SGCZ: variants seen among roughly 807,000 people sequenced by gnomAD.
SGCZ encodes the protein zeta-sarcoglycan.
In SGCZ, 40 loss-of-function variants were observed where a neutral mutation model predicts 41.3. The ratio of observed to expected loss-of-function variants is 0.97; its 90% CI spans 0.75 to 1.26. The LOEUF is 1.26. SGCZ is among the 50% of genes most tolerant of loss of function. SGCZ has a pLI of 0.00. For missense variants in SGCZ, 552 were observed against 369.8 expected (o/e 1.49, Z -4.04); for synonymous variants, 206 against 137.5 (o/e 1.50, Z -3.49).
At chr8:14,246,610 AG>A (rs1371947838) in intron 3 of SGCZ, among the ~76,000 whole-genome samples, 3 of 150,238 alleles carry the variant, frequency 2.0e-5, no homozygotes, top group East Asian at 3.9e-4. Flanking sequence ...AAAAAAAAAA[AG>A]AAATAAAAAG....
chr8:14,711,512 G>C (rs1199589165), intron 1 of SGCZ, among the ~76,000 whole-genome samples: 3 of 145,836 alleles, frequency 2.1e-5, no homozygotes, highest in African/African-American at 7.6e-5. Flanking sequence ...TGACGCAGGA[G>C]AATTGCTTGA....
intron 4 of SGCZ, among the ~76,000 whole-genome samples, chr8:14,210,550 T>A (rs1347220330): frequency 1.3e-5 from 2 of 151,558 alleles, no homozygotes; most frequent in African/African-American, 2.4e-5. Flanking sequence ...ACAACCCCTG[T>A]CTCCCAGGTT....
At chr8:14,284,403 C>T (rs1042483100) in intron 3 of SGCZ, among the ~76,000 whole-genome samples, 1 of 152,128 alleles carries the variant, frequency 6.6e-6, no homozygotes, top group Non-Finnish European at 1.5e-5. Flanking sequence ...CACAAACACA[C>T]AAAAAATAGA....
intron 1 of SGCZ, among the ~76,000 whole-genome samples, chr8:14,692,172 T>A (rs561122521): frequency 6.6e-6 from 1 of 152,132 alleles, no homozygotes; most frequent in African/African-American, 2.4e-5. Flanking sequence ...CTAAATTACA[T>A]AGTTAAATTG....
intron 1 of SGCZ, among the ~76,000 whole-genome samples, chr8:14,699,436 C>A (rs988261741): frequency 6.6e-6 from 1 of 151,682 alleles, no homozygotes; most frequent in Non-Finnish European, 1.5e-5. Flanking sequence ...GAAACTGAAT[C>A]TCTACCTTTT....
At chr8:14,112,982 G>A (rs1279575689) in intron 5 of SGCZ, among the ~76,000 whole-genome samples, 1 of 152,006 alleles carries the variant, frequency 6.6e-6, no homozygotes, top group Non-Finnish European at 1.5e-5. Context: ...TTTGAATACT[G>A]AAAAATTTAT....
intron 1 of SGCZ, among the ~76,000 whole-genome samples, chr8:14,819,444 G>T (rs1044063296): frequency 6.6e-6 from 1 of 152,082 alleles, no homozygotes; most frequent in Non-Finnish European, 1.5e-5. Context: ...GCCTTATAGG[G>T]AAGTCCAATC....
intron 2 of SGCZ, among the ~76,000 whole-genome samples, chr8:14,455,994 C>G (rs1050916902): frequency 6.6e-6 from 1 of 152,064 alleles, no homozygotes; most frequent in Non-Finnish European, 1.5e-5. Flanking sequence ...GGAGGGGATG[C>G]GGAGTGACTG....
chr8:14,476,015 C>G (rs533947819), intron 2 of SGCZ, among the ~76,000 whole-genome samples: 1 of 151,646 alleles, frequency 6.6e-6, no homozygotes, highest in Non-Finnish European at 1.5e-5. Context: ...CTATGTTGCC[C>G]TGGTTGATCT....
At chr8:14,377,372 G>C (rs1367785045) in intron 2 of SGCZ, among the ~76,000 whole-genome samples, 1 of 151,996 alleles carries the variant, frequency 6.6e-6, no homozygotes, top group Non-Finnish European at 1.5e-5. Flanking sequence ...CCTTCATTTG[G>C]CTGTTCCTGA....
At chr8:14,755,258 G>C (rs1279408876) in intron 1 of SGCZ, among the ~76,000 whole-genome samples, 1 of 151,788 alleles carries the variant, frequency 6.6e-6, no homozygotes, top group African/African-American at 2.4e-5. Context: ...TTTGTTTGCT[G>C]TTTGTTTGCG....
intron 1 of SGCZ, among the ~76,000 whole-genome samples, chr8:14,843,117 C>T (rs1802982310): frequency 6.6e-6 from 1 of 152,066 alleles, no homozygotes; most frequent in African/African-American, 2.4e-5. Flanking sequence ...AAGGCTGAGG[C>T]AGGAGAATTG....
Position 14,796,550 on chromosome 8 carries a change from G to C in SGCZ, c.40-241624C>G, listed in dbSNP as rs143201624. Among the ~76,000 whole-genome samples, 212 of 151,956 alleles carry C rather than the reference G, an allele frequency of 1.4e-3. 1 individual carries two copies. Among genetic ancestry groups the C allele is most frequent in the African/African-American group, 4.8e-3 (200 of 41,374 alleles). On this transcript the variant is annotated intron_variant, in intron 1 of 7. Transcript: ENST00000382080. The stretch of plus-strand genomic sequence containing the variant: ...CATCTTTTCTGTATATGTAAATATT[G>C]TGTGTCTTATGACTCAATGAAGATA...
At chr8:14,875,264 C>G (rs535860285) in intron 1 of SGCZ, among the ~76,000 whole-genome samples, 1 of 152,246 alleles carries the variant, frequency 6.6e-6, no homozygotes, top group East Asian at 1.9e-4. Context: ...AGGGTACTTC[C>G]TTTTGTAAGG....
At chr8:14,249,659 A>G (rs1448621840) in intron 3 of SGCZ, among the ~76,000 whole-genome samples, 1 of 152,162 alleles carries the variant, frequency 6.6e-6, no homozygotes. Flanking sequence ...ATTAGAGATA[A>G]TCTATTTTCA....
chr8:14,108,606 A>G (rs936944971), intron 5 of SGCZ, among the ~76,000 whole-genome samples: 19 of 152,186 alleles, frequency 1.2e-4, no homozygotes, highest in African/African-American at 4.3e-4. Context: ...AACCACCTCC[A>G]TGGTTCAAAT....
rs183774228 is a variant in SGCZ, at chr8:14,085,494, T to C, written c.*4949A>G. Among the ~76,000 whole-genome samples the C allele has an allele frequency of 6.6e-6, 1 of 151,914 alleles. No homozygotes were observed. The highest frequency in any genetic ancestry group is 6.6e-5 in the Admixed American group (1 of 15,214). On this transcript the variant is annotated 3_prime_UTR_variant, in exon 8 of 8. Coordinates refer to ENST00000382080, the MANE Select transcript of SGCZ (RefSeq NM_139167.4). Reference sequence around the variant, plus strand: ...AAAACAAAAAATAACTACAGTTCATTATATCTCATTTCCTTTAATGGTTTT... The same window carrying C: ...AAAACAAAAAATAACTACAGTTCATCATATCTCATTTCCTTTAATGGTTTT...
intron 1 of SGCZ, among the ~76,000 whole-genome samples, chr8:14,556,947 T>C (rs1804052010): frequency 2.0e-5 from 3 of 152,074 alleles, no homozygotes. Context: ...GGGTAGGTAC[T>C]CAGTAGTGGG....
chr8:15,092,746 C>G (rs1806199735), intron 1 of SGCZ, among the ~76,000 whole-genome samples: 1 of 152,144 alleles, frequency 6.6e-6, no homozygotes, highest in African/African-American at 2.4e-5. Context: ...TAATATCTCT[C>G]TATTACACAT....
Sources: allele counts gnomAD v4.1 joint callset (sites outside exome capture counted in the v4.1 genomes callset), GRCh38; gene constraint gnomAD v4.1.1; transcripts MANE v1.5; gene names NCBI Gene and HGNC (gene_info 2026-07-23, HGNC 2026-07-21).